Variants in HSPA9 observed in about 807,000 individuals in gnomAD.
HSPA9 encodes heat shock protein family A (Hsp70) member 9, also known as stress-70 protein, mitochondrial.
A neutral mutation model predicts 81.5 loss-of-function variants in HSPA9; 28 were observed. The ratio of observed to expected loss-of-function variants is 0.34; its 90% CI spans 0.25 to 0.47. The LOEUF is 0.47. Ranked by LOEUF, HSPA9 falls within the 20% of genes least tolerant of loss-of-function variation. The pLI, the probability that HSPA9 is intolerant of heterozygous loss-of-function variation, is 1.00. For synonymous variants in HSPA9, 293 were observed against 290.4 expected (o/e 1.01, Z -0.09); for missense variants, 678 against 838.0 (o/e 0.81, Z 2.36).
At chr5:138,557,314 GGAGT>G in intron 14 of HSPA9, 84 bp downstream of exon 14, 2 of 889,846 alleles carry the variant, frequency 2.2e-6, no homozygotes, top group Non-Finnish European at 3.7e-6. Flanking sequence ...TGGGATTACA[GGAGT>G]GAGACACTGC....
chr5:138,556,648 G>C, intron 15 of HSPA9, 56 bp from the exon 16 acceptor site: 1 of 1,589,918 alleles, frequency 6.3e-7, no homozygotes, highest in Non-Finnish European at 8.6e-7. Flanking sequence ...ACCATTACAA[G>C]TAGAAGTACT....
At chr5:138,557,739 G>T in intron 13 of HSPA9, 130 bp downstream of exon 13, 1 of 789,650 alleles carries the variant, frequency 1.3e-6, no homozygotes, top group Non-Finnish European at 2.3e-6. Context: ...CTGTTTGTGG[G>T]GAATAAACAT....
rs1387288523 is a variant in HSPA9 at position 138,574,142 on chromosome 5, C to T, written c.82-16G>A. ...TCCAGCTATCCTAAAAAAGAAAAAA[C>T]TGACTCAGTCACCAACCAGTGTGTA... On this transcript the variant is annotated splice_polypyrimidine_tract_variant and intron_variant, in intron 1 of 16. Coordinates refer to ENST00000297185, the MANE Select transcript of HSPA9 (RefSeq NM_004134.7). 1.9e-6 allele frequency: 3 copies of T among 1,606,034 alleles called. No homozygotes were observed. The highest frequency in any genetic ancestry group is 1.7e-6 in the Non-Finnish European group (2 of 1,172,734).
chr5:138,568,243 T>G (rs1750808156), intron 5 of HSPA9, among the ~76,000 whole-genome samples: 1 of 151,976 alleles, frequency 6.6e-6, no homozygotes, highest in Non-Finnish European at 1.5e-5. Flanking sequence ...ATGCCTGTAA[T>G]CCCAGCACTC....
chr5:138,569,141 C>T, intron 4 of HSPA9, 92 bp from the exon 5 acceptor site: 1 of 1,207,166 alleles, frequency 8.3e-7, no homozygotes, highest in Non-Finnish European at 1.2e-6. Flanking sequence ...TCTTCCACCC[C>T]AAGAGACTCA....
At chr5:138,558,882 C>G (rs562071474) in intron 11 of HSPA9, 26 of 495,768 alleles carry the variant, frequency 5.2e-5, no homozygotes, top group African/African-American at 5.1e-4. Context: ...TGTACAAAGA[C>G]GCAGCATTAG....
Position 138,567,070 on chromosome 5 carries a change from A to G in HSPA9, c.810T>C (p.Asp270=), listed in dbSNP as rs1561860035. ...GVFEVKSTNG[D]TFLGGEDFDQ... ...CAAAGTCTTCCCCACCTAAGAAGGTATCCCCATTTGTGGATTTCACCTCAA... is the reference window on the plus strand; with the variant it reads ...CAAAGTCTTCCCCACCTAAGAAGGTGTCCCCATTTGTGGATTTCACCTCAA... Residue 270 remains aspartate, a synonymous_variant, in exon 8 of 17, where the codon GAT becomes GAC. Transcript: ENST00000297185. 6.2e-7 allele frequency: 1 copy of G among 1,613,980 alleles called. No individual in the cohort carries two copies. Among genetic ancestry groups the G allele is most frequent in the Admixed American group, 1.7e-5 (1 of 60,014 alleles).
chr5:138,557,290 TG>T, intron 14 of HSPA9, 111 bp downstream of exon 14: 1 of 779,746 alleles, frequency 1.3e-6, no homozygotes, highest in Admixed American at 2.0e-5. Flanking sequence ...ACCTTGGCAG[TG>T]GGCTTACAGT....
chr5:138,566,643 G>T lies in HSPA9; in HGVS notation c.955C>A (p.Leu319Ile). 2 of 1,613,110 alleles carry T rather than the reference G, an allele frequency of 1.2e-6. No individual in the cohort carries two copies. Among genetic ancestry groups the T allele is most frequent in the Non-Finnish European group, 1.7e-6 (2 of 1,179,114 alleles). ...TGTCTCACCTGCACAGATGAGGAGA[G>T]TTCACATTTAGCCTTTTCAGCAGCT... ...REAAEKAKCE[L>I]SSSVQTDINL... is the part of the protein sequence containing the mutation. The change falls in exon 9 of 17, where the codon CTC (leucine) becomes ATC (isoleucine). Residue 319 changes from leucine to isoleucine, a missense_variant. Around this residue, in one of 4 missense-constraint regions of HSPA9, gnomAD observed 484 missense variants for 647.5 expected, o/e 0.75. Coordinates refer to ENST00000297185, the MANE Select transcript of HSPA9 (RefSeq NM_004134.7).
intron 11 of HSPA9, 91 bp from the exon 12 acceptor site, chr5:138,558,748 G>T (rs1015683648): frequency 1.6e-5 from 13 of 804,906 alleles, no homozygotes; most frequent in Admixed American, 5.5e-5. Context: ...TACATTCCAA[G>T]ACTGGAAGAC....
chr5:138,560,590 T>C (rs963910535), intron 10 of HSPA9, among the ~76,000 whole-genome samples: 6 of 151,132 alleles, frequency 4.0e-5, no homozygotes, highest in Non-Finnish European at 8.8e-5. Context: ...AGACGGAGTC[T>C]CGCTGTGTCG....
Position 138,557,508 on chromosome 5 carries a change from A to G in HSPA9, c.1634-12T>C. ...AGACTGGATTACAACTGTAGTAAAC[A>G]GAAGGCATTTCATTAATTCCCAGGT... On this transcript the variant is annotated splice_polypyrimidine_tract_variant and intron_variant, in intron 13 of 16. Coordinates refer to ENST00000297185, the MANE Select transcript of HSPA9 (RefSeq NM_004134.7). The G allele has an allele frequency of 6.6e-7, 1 of 1,507,948 alleles. No homozygotes were observed. The highest frequency in any genetic ancestry group is 9.2e-7 in the Non-Finnish European group (1 of 1,085,222). The allele number at this position is 1,507,948 out of a possible 1,614,324, so 93.4% of individuals were successfully genotyped here.
chr5:138,559,531 C>G (rs1024279395), intron 11 of HSPA9, among the ~76,000 whole-genome samples: 1 of 152,132 alleles, frequency 6.6e-6, no homozygotes, highest in African/African-American at 2.4e-5. Context: ...CCAGACTACC[C>G]TTTTTACTGT....
At position 138,554,920 on chromosome 5, in the gene HSPA9, T is replaced by C. The variant is rs1750487691; in HGVS notation, c.*1117A>G. ...CTGGGTTCCTTTTATTTTTGAGCCA[T>C]AGAAATAGTATCTTAGGACTTATTT... On this transcript the variant is annotated 3_prime_UTR_variant, in exon 17 of 17. Coordinates refer to ENST00000297185, the MANE Select transcript of HSPA9 (RefSeq NM_004134.7). 1 of 152,218 alleles carries C rather than the reference T, an allele frequency of 6.6e-6. No individual in the cohort carries two copies. Among genetic ancestry groups the C allele is most frequent in the Admixed American group, 6.5e-5 (1 of 15,280 alleles). The allele number at this position is 152,218 out of a possible 1,614,324, so 9.4% of individuals were successfully genotyped here.
chr5:138,564,767 G>A (rs539639377), intron 9 of HSPA9, among the ~76,000 whole-genome samples: 25 of 152,266 alleles, frequency 1.6e-4, no homozygotes, highest in African/African-American at 6.0e-4. Context: ...TCCTAAGCAT[G>A]TAATATTTAT....
In HSPA9 at chr5:138,556,910, A is replaced by G. The variant is rs367798697; in HGVS notation, c.1729-44T>C. On this transcript the variant is annotated intron_variant, in intron 14 of 16. Transcript: ENST00000297185. ...TTAAACGAAGACTTTCCAATCAACCAAAGTTTGCTGAATGTCTATACTCAG... is the reference window on the plus strand; with the variant it reads ...TTAAACGAAGACTTTCCAATCAACCGAAGTTTGCTGAATGTCTATACTCAG... 2.8e-5 allele frequency: 38 copies of G among 1,381,346 alleles called. No homozygotes were observed. The African/African-American group carries it at 5.1e-4, about 19-fold the overall frequency. The allele number at this position is 1,381,346 out of a possible 1,614,324, so 85.6% of individuals were successfully genotyped here. A position where few individuals can be genotyped will look rare whatever the true frequency, so the allele number is the denominator to read the frequency against.
chr5:138,558,525 ATAGTATT>A, intron 12 of HSPA9, 21 bp downstream of exon 12: 1 of 1,316,066 alleles, frequency 7.6e-7, no homozygotes, highest in Non-Finnish European at 1.1e-6. Flanking sequence ...TGAAGGAGGC[ATAGTATT>A]CAGGATTCAC....
chr5:138,573,886 T>C (rs1242102340), intron 2 of HSPA9, 36 bp from the exon 3 acceptor site: 3 of 1,526,950 alleles, frequency 2.0e-6, no homozygotes, highest in Non-Finnish European at 2.7e-6. Flanking sequence ...CAGCTATTGT[T>C]ATCTTGATAG....
intron 9 of HSPA9, among the ~76,000 whole-genome samples, chr5:138,564,618 G>A (rs959633413): frequency 8.5e-5 from 13 of 152,164 alleles, no homozygotes; most frequent in African/African-American, 3.1e-4. Context: ...GCCCAGGCTG[G>A]TCCCCAATTC....
Sources: gnomAD v4.1 joint callset for allele counts (sites outside exome capture counted in the v4.1 genomes callset) on GRCh38, gnomAD v4.1.1 for gene constraint, gnomAD v4.1.1 regional missense constraint, MANE v1.5 for transcripts, NCBI Gene and HGNC (gene_info 2026-07-23, HGNC 2026-07-21) for gene names.